DPP10: variants seen among roughly 807,000 people sequenced by gnomAD.
The protein encoded by DPP10 is inactive dipeptidyl peptidase 10.
In DPP10, 33 loss-of-function variants were observed where a neutral mutation model predicts 120.9. The ratio of observed to expected loss-of-function variants is 0.27; its 90% CI spans 0.21 to 0.37. The LOEUF (loss-of-function observed/expected upper bound fraction) is 0.37, where lower values mean the gene tolerates loss of function less well. Among genes scored for constraint, DPP10 ranks in the 10% least tolerant of loss-of-function variants. DPP10 has a pLI of 1.00. For synonymous variants in DPP10, 337 were observed against 326.1 expected, an observed-to-expected ratio of 1.03 and a Z score of -0.36; for missense variants, 816 against 942.8, an observed-to-expected ratio of 0.87 and a Z score of 1.76.
At chr2:115,744,313 T>C (rs1216746887) in intron 9 of DPP10, among the ~76,000 whole-genome samples, 1 of 149,992 alleles carries the variant, frequency 6.7e-6, no homozygotes, top group Non-Finnish European at 1.5e-5. Flanking sequence ...GGTAGGCTGG[T>C]AGGCTAAAAA....
chr2:115,701,292 T>G (rs2091878227), intron 7 of DPP10, among the ~76,000 whole-genome samples: 1 of 151,996 alleles, frequency 6.6e-6, no homozygotes, highest in Non-Finnish European at 1.5e-5. Context: ...AAAAATAAAC[T>G]TTCGCATTTA....
intron 3 of DPP10, among the ~76,000 whole-genome samples, chr2:115,480,416 C>A (rs938347283): frequency 6.6e-6 from 1 of 151,970 alleles, no homozygotes; most frequent in East Asian, 1.9e-4. Context: ...CCTCCTCGTT[C>A]CTACTTCCTA....
intron 5 of DPP10, among the ~76,000 whole-genome samples, chr2:115,581,023 A>G (rs2081975693): frequency 6.6e-6 from 1 of 152,194 alleles, no homozygotes; most frequent in Non-Finnish European, 1.5e-5. Context: ...GGAAAGTGTC[A>G]AAGCAAATAT....
At chr2:114,815,291 C>A (rs566957484) in intron 1 of DPP10, among the ~76,000 whole-genome samples, 19 of 152,184 alleles carry the variant, frequency 1.2e-4, no homozygotes, top group South Asian at 4.2e-4. Flanking sequence ...TCATTTACTC[C>A]AAAACCATCA....
chr2:115,732,791 A>G (rs1283761381), intron 8 of DPP10, among the ~76,000 whole-genome samples: 2 of 152,180 alleles, frequency 1.3e-5, no homozygotes. Flanking sequence ...ATATTTTAGA[A>G]CCTTGTATAT....
At chr2:115,474,832 AAG>A (rs1217950660) in intron 3 of DPP10, among the ~76,000 whole-genome samples, 1 of 152,028 alleles carries the variant, frequency 6.6e-6, no homozygotes, top group Non-Finnish European at 1.5e-5. Context: ...ACAATGGGGA[AAG>A]AGCCTCCAAG....
At chr2:115,115,646 A>G (rs1265204607) in intron 1 of DPP10, among the ~76,000 whole-genome samples, 1 of 152,204 alleles carries the variant, frequency 6.6e-6, no homozygotes, top group Non-Finnish European at 1.5e-5. Flanking sequence ...TGCACATTAC[A>G]ATACCCTGTT....
intron 1 of DPP10, among the ~76,000 whole-genome samples, chr2:114,636,211 G>A (rs940994493): frequency 6.6e-6 from 1 of 151,954 alleles, no homozygotes; most frequent in African/African-American, 2.4e-5. Context: ...AATAATCACT[G>A]TGCTTTGATA....
At chr2:114,732,777 C>CCAAG (rs1180063435) in intron 1 of DPP10, among the ~76,000 whole-genome samples, 1 of 152,038 alleles carries the variant, frequency 6.6e-6, no homozygotes, top group African/African-American at 2.4e-5. Flanking sequence ...TTACTATATG[C>CCAAG]CAAGCATTTT....
chr2:114,551,691 G>A (rs1328964325), intron 1 of DPP10, among the ~76,000 whole-genome samples: 1 of 152,190 alleles, frequency 6.6e-6, no homozygotes, highest in Non-Finnish European at 1.5e-5. Context: ...TGGGTCCCTT[G>A]TAGTGGACCC....
chr2:114,495,483 G>A (rs1403555671), intron 1 of DPP10, among the ~76,000 whole-genome samples: 2 of 152,080 alleles, frequency 1.3e-5, no homozygotes, highest in Admixed American at 6.6e-5. Context: ...CTCCATTATT[G>A]TATTTCTTTC....
chr2:115,138,021 G>A (rs2050739008), intron 1 of DPP10, among the ~76,000 whole-genome samples: 1 of 152,102 alleles, frequency 6.6e-6, no homozygotes, highest in African/African-American at 2.4e-5. Flanking sequence ...AAGAGGCACG[G>A]GGATGCATAA....
intron 1 of DPP10, among the ~76,000 whole-genome samples, chr2:115,291,769 T>G (rs1473996810): frequency 1.3e-5 from 2 of 152,170 alleles, no homozygotes; most frequent in Non-Finnish European, 2.9e-5. Flanking sequence ...ACCAGATCCT[T>G]ATTGTAGACT....
intron 1 of DPP10, among the ~76,000 whole-genome samples, chr2:115,007,303 A>G (rs1701926064): frequency 1.3e-5 from 2 of 152,232 alleles, no homozygotes; most frequent in African/African-American, 4.8e-5. Flanking sequence ...CCAGCATATA[A>G]ACAGAGCCAA....
intron 1 of DPP10, among the ~76,000 whole-genome samples, chr2:115,075,984 C>T (rs1336555113): frequency 2.6e-5 from 4 of 152,042 alleles, no homozygotes; most frequent in Non-Finnish European, 4.4e-5. Flanking sequence ...CACTCAGAAT[C>T]GAAAGACGTG....
intron 1 of DPP10, among the ~76,000 whole-genome samples, chr2:115,307,959 A>C (rs1298893671): frequency 6.6e-6 from 1 of 152,120 alleles, no homozygotes; most frequent in African/African-American, 2.4e-5. Flanking sequence ...TTTAAGAAAA[A>C]GTGGAATTGA....
chr2:115,101,938 T>C (rs1573618929), intron 1 of DPP10, among the ~76,000 whole-genome samples: 1 of 152,218 alleles, frequency 6.6e-6, no homozygotes, highest in South Asian at 2.1e-4. Context: ...AGTTACATGG[T>C]CCAGATTTCT....
chr2:114,518,367 C>T (rs550713535), intron 1 of DPP10, among the ~76,000 whole-genome samples: 2 of 152,192 alleles, frequency 1.3e-5, no homozygotes, highest in South Asian at 2.1e-4. Flanking sequence ...CATGAGCCAC[C>T]GTGCAGGGCC....
At chr2:114,594,416 GAA>G (rs1558915497) in intron 1 of DPP10, among the ~76,000 whole-genome samples, 2 of 147,634 alleles carry the variant, frequency 1.4e-5, no homozygotes, top group Non-Finnish European at 3.0e-5. Context: ...ACATATATGT[GAA>G]TACATATATG....
Sources: allele counts gnomAD v4.1 joint callset (sites outside exome capture counted in the v4.1 genomes callset), GRCh38; gene constraint gnomAD v4.1.1; transcripts MANE v1.5; gene names NCBI Gene and HGNC (gene_info 2026-07-23, HGNC 2026-07-21).